CTNNBL1: variants seen among roughly 807,000 people sequenced by gnomAD.
CTNNBL1 encodes catenin beta like 1, also known as beta-catenin-like protein 1.
Under a neutral mutation model 72.7 loss-of-function variants are expected in CTNNBL1, and 31 were observed. The observed-to-expected ratio is 0.43, with a 90% CI of 0.32 to 0.58. The LOEUF is 0.58. CTNNBL1 is among the 20% of genes least tolerant of loss of function. The pLI is 0.08. For synonymous variants in CTNNBL1, 240 were observed against 267.3 expected (o/e 0.90, Z 1.00); for missense variants, 534 against 725.1 (o/e 0.74, Z 3.03).
chr20:37,865,493 G>A (rs1431933663), intron 15 of CTNNBL1, among the ~76,000 whole-genome samples: 1 of 151,862 alleles, frequency 6.6e-6, no homozygotes, highest in African/African-American at 2.4e-5. Context: ...TTGCAAAACT[G>A]GAATTGCCCG....
chr20:37,840,223 G>A (rs1378514416), intron 12 of CTNNBL1, 24 bp downstream of exon 12: 3 of 1,534,066 alleles, frequency 2.0e-6, no homozygotes, highest in Non-Finnish European at 2.7e-6. Context: ...GGACTGTAAA[G>A]CTGGGACCGG....
intron 15 of CTNNBL1, among the ~76,000 whole-genome samples, chr20:37,866,039 G>A (rs753694628): frequency 3.3e-5 from 5 of 152,204 alleles, no homozygotes; most frequent in Admixed American, 6.5e-5. Flanking sequence ...TTTATCTTTG[G>A]ATGACATGTT....
chr20:37,770,453 GT>G (rs1158220161), intron 7 of CTNNBL1, among the ~76,000 whole-genome samples: 1 of 152,018 alleles, frequency 6.6e-6, no homozygotes, highest in African/African-American at 2.4e-5. Flanking sequence ...TAATTCAATA[GT>G]TTTTTTGTCT....
chr20:37,783,759 T>C (rs1341643247), intron 10 of CTNNBL1, among the ~76,000 whole-genome samples: 1 of 152,212 alleles, frequency 6.6e-6, no homozygotes, highest in Non-Finnish European at 1.5e-5. Flanking sequence ...TTTTAAAGAA[T>C]TGTTTTGTGG....
intron 11 of CTNNBL1, among the ~76,000 whole-genome samples, chr20:37,812,935 C>A (rs535282631): frequency 3.3e-5 from 5 of 151,986 alleles, no homozygotes; most frequent in African/African-American, 9.7e-5. Flanking sequence ...AACAGCCCCC[C>A]CCAGGAATGT....
At chr20:37,804,996 G>A (rs922386455) in intron 11 of CTNNBL1, among the ~76,000 whole-genome samples, 2 of 152,234 alleles carry the variant, frequency 1.3e-5, no homozygotes, top group African/African-American at 4.8e-5. Context: ...TACCCAGAGA[G>A]CAGAAGTGAA....
In CTNNBL1 at chr20:37,806,474, A is replaced by G. The variant is rs547203668; in HGVS notation, c.1213+3426A>G. Among the ~76,000 whole-genome samples the G allele has an allele frequency of 3.6e-4, 55 of 152,332 alleles. 1 individual carries two copies. Among genetic ancestry groups the G allele is most frequent in the Admixed American group, 2.8e-3 (43 of 15,304 alleles). ...GTGTACTAAAGGTGATCTGTCTTCA[A>G]AAAACGAAAGGGCAGGTTGGGTTTT... On this transcript the variant is annotated intron_variant, in intron 11 of 15. Coordinates refer to ENST00000361383, the MANE Select transcript of CTNNBL1 (RefSeq NM_030877.5).
At chr20:37,815,854 A>G (rs1164764466) in intron 11 of CTNNBL1, among the ~76,000 whole-genome samples, 1 of 152,244 alleles carries the variant, frequency 6.6e-6, no homozygotes. Flanking sequence ...ATAAACTTGT[A>G]TACATTTCAC....
intron 11 of CTNNBL1, among the ~76,000 whole-genome samples, chr20:37,830,268 C>T (rs151195994): frequency 2.0e-5 from 3 of 152,084 alleles, no homozygotes; most frequent in Non-Finnish European, 2.9e-5. Flanking sequence ...TTAACATATC[C>T]ATCATCTCAC....
At chr20:37,757,253 G>A (rs1171776377) in intron 4 of CTNNBL1, among the ~76,000 whole-genome samples, 1 of 152,190 alleles carries the variant, frequency 6.6e-6, no homozygotes, top group African/African-American at 2.4e-5. Flanking sequence ...GAGGGTGTTG[G>A]CCTATTTCTC....
At chr20:37,779,088 G>A (rs1387041716) in intron 9 of CTNNBL1, 99 bp from the exon 10 acceptor site, 43 of 1,193,724 alleles carry the variant, frequency 3.6e-5, no homozygotes, top group Admixed American at 5.4e-5. Flanking sequence ...TTCCTCAGTC[G>A]TAGAGTTATG....
chr20:37,781,052 A>G (rs932271687), intron 10 of CTNNBL1, among the ~76,000 whole-genome samples: 3 of 152,194 alleles, frequency 2.0e-5, no homozygotes, highest in Non-Finnish European at 2.9e-5. Context: ...ATTGCTTTTA[A>G]AAACAATTTT....
chr20:37,803,916 G>T (rs1167935798), intron 11 of CTNNBL1, among the ~76,000 whole-genome samples: 1 of 151,672 alleles, frequency 6.6e-6, no homozygotes, highest in Non-Finnish European at 1.5e-5. Flanking sequence ...AGGATCTTTT[G>T]CATTCCTCAT....
chr20:37,859,217 C>T (rs769994488), intron 13 of CTNNBL1, among the ~76,000 whole-genome samples: 2 of 151,868 alleles, frequency 1.3e-5, no homozygotes, highest in Admixed American at 6.6e-5. Context: ...ATTAGCTGGG[C>T]GTGGTGGCAC....
intron 15 of CTNNBL1, among the ~76,000 whole-genome samples, chr20:37,865,276 A>T (rs1720057264): frequency 6.6e-6 from 1 of 152,232 alleles, no homozygotes; most frequent in Non-Finnish European, 1.5e-5. Flanking sequence ...GAATGGAGCC[A>T]GTGCTGGGAT....
intron 4 of CTNNBL1, among the ~76,000 whole-genome samples, chr20:37,748,435 G>A (rs2122628473): frequency 6.6e-6 from 1 of 152,318 alleles, no homozygotes; most frequent in East Asian, 1.9e-4. Context: ...AGTGAGCTCA[G>A]TGTATGGTCT....
intron 7 of CTNNBL1, among the ~76,000 whole-genome samples, chr20:37,775,074 G>T (rs1182099852): frequency 6.6e-6 from 1 of 152,056 alleles, no homozygotes; most frequent in Non-Finnish European, 1.5e-5. Context: ...GCACCGCTAT[G>T]CCAAAAAGTA....
intron 9 of CTNNBL1, 89 bp downstream of exon 9, chr20:37,777,801 G>A: frequency 7.6e-7 from 1 of 1,318,676 alleles, no homozygotes; most frequent in Non-Finnish European, 1.1e-6. Flanking sequence ...GAAGGAATAA[G>A]CCATGTGCTG....
At chr20:37,724,280 C>G (rs2122583124) in intron 1 of CTNNBL1, among the ~76,000 whole-genome samples, 1 of 152,264 alleles carries the variant, frequency 6.6e-6, no homozygotes, top group Admixed American at 6.5e-5. Flanking sequence ...CTGTTGCCCC[C>G]TGTCTGACCT....
Sources: allele counts gnomAD v4.1 joint callset (sites outside exome capture counted in the v4.1 genomes callset), GRCh38; gene constraint gnomAD v4.1.1; transcripts MANE v1.5; gene names NCBI Gene and HGNC (gene_info 2026-07-23, HGNC 2026-07-21).